Variants in NF1 observed in about 807,000 individuals in gnomAD.
NF1 encodes neurofibromin.
NF1 carries 122 observed loss-of-function variants against 325.7 expected under a neutral mutation model. The observed-to-expected ratio is 0.37, with a 90% CI of 0.32 to 0.44. The LOEUF (loss-of-function observed/expected upper bound fraction) is 0.44, where lower values mean the gene tolerates loss of function less well. Among genes scored for constraint, NF1 ranks in the 20% least tolerant of loss-of-function variants. The pLI is 1.00. For missense variants in NF1, 2,140 were observed against 3,415.4 expected (o/e 0.63, Z 9.31); for synonymous variants, 1,091 against 1,186.0 (o/e 0.92, Z 1.65).
At chr17:31,238,920 C>T (rs925982239) in intron 29 of NF1, among the ~76,000 whole-genome samples, 5 of 152,122 alleles carry the variant, frequency 3.3e-5, no homozygotes, top group Non-Finnish European at 5.9e-5. Flanking sequence ...ACAGTTACAG[C>T]GAACATTAAA....
intron 1 of NF1, among the ~76,000 whole-genome samples, chr17:31,127,608 T>A (rs545927740): frequency 2.2e-3 from 326 of 150,928 alleles, no homozygotes; most frequent in Admixed American, 4.7e-3. Context: ...TTTTTTTTTT[T>A]ATTTAAAGAA....
chr17:31,249,415 T>TA (rs1443533512), intron 30 of NF1, among the ~76,000 whole-genome samples: 6 of 152,214 alleles, frequency 3.9e-5, no homozygotes, highest in Non-Finnish European at 5.9e-5. Flanking sequence ...ATGAACATAT[T>TA]ATGGATTTTT....
chr17:31,166,922 TTTC>T (rs1357519784), intron 4 of NF1, among the ~76,000 whole-genome samples: 1 of 152,160 alleles, frequency 6.6e-6, no homozygotes, highest in African/African-American at 2.4e-5. Flanking sequence ...GGTTTTCAGT[TTTC>T]TTCTTCTTTT....
chr17:31,370,743 A>G (rs1289601506), intron 57 of NF1, among the ~76,000 whole-genome samples: 2 of 152,208 alleles, frequency 1.3e-5, no homozygotes, highest in African/African-American at 4.8e-5. Flanking sequence ...AAGACACACA[A>G]GAACGAGCCC....
At chr17:31,243,279 A>C (rs992304750) in intron 29 of NF1, among the ~76,000 whole-genome samples, 1 of 150,790 alleles carries the variant, frequency 6.6e-6, no homozygotes, top group Non-Finnish European at 1.5e-5. Context: ...CTGGGAGTGC[A>C]CTGGGTCTTG....
At chr17:31,295,070 G>C (rs774466732) in intron 36 of NF1, 36 of 1,614,026 alleles carry the variant, frequency 2.2e-5, no homozygotes, top group Non-Finnish European at 3.0e-5. Context: ...TACTTTCCAA[G>C]CATTTGCCAC....
chr17:31,340,280 G>T, intron 46 of NF1: 1 of 566,562 alleles, frequency 1.8e-6, no homozygotes, highest in Non-Finnish European at 3.1e-6. Context: ...TCAAAGAACA[G>T]GGAGAAGTCA....
rs1245703067 is a variant in NF1 at position 31,327,824 on chromosome 17, C to G, written c.5594C>G (p.Ser1865Cys). ...LNIALLNLGS[S>C]DPSLRSAAYN... ...ATCGCATTACTTAATTTAGGCAGTT[C>G]TGACCCGAGTTTACGGTAGGTTTTT... The change falls in exon 38 of 58, where the codon TCT becomes TGT. Residue 1865 changes from serine (S) to cysteine (C), a missense_variant. Ser to Cys is a moderately radical substitution (Grantham distance 112). Around this residue, in one of 10 missense-constraint regions of NF1, gnomAD observed 180 missense variants for 435.1 expected, o/e 0.41. Coordinates refer to ENST00000358273, the MANE Select transcript of NF1 (RefSeq NM_001042492.3). The G allele has an allele frequency of 6.2e-7, 1 of 1,613,966 alleles. No individual in the cohort carries two copies. The highest frequency in any genetic ancestry group is 8.5e-7 in the Non-Finnish European group (1 of 1,180,020).
chr17:31,229,667 G>A (rs760186868), intron 21 of NF1, 168 bp from the exon 22 acceptor site: 22 of 976,072 alleles, frequency 2.3e-5, no homozygotes, highest in Middle Eastern at 3.2e-4. Flanking sequence ...AAGGGTATAC[G>A]TGCCCTGTGT....
intron 38 of NF1, 78 bp from the exon 39 acceptor site, chr17:31,330,218 A>G: frequency 8.6e-7 from 1 of 1,168,052 alleles, no homozygotes; most frequent in Non-Finnish European, 1.3e-6. Context: ...CAGAATCACA[A>G]ATTGTATGTT....
chr17:31,236,748 G>T (rs541707364), intron 29 of NF1, among the ~76,000 whole-genome samples: 101 of 152,056 alleles, frequency 6.6e-4, no homozygotes, highest in African/African-American at 2.3e-3. Context: ...ACCATGCCCA[G>T]CCCAGAGTGC....
In NF1 at chr17:31,304,615, G is replaced by T. The variant is rs762579703; in HGVS notation, c.4836-21205G>T. The T allele has an allele frequency of 1.5e-5, 24 of 1,614,050 alleles. No individual in the cohort carries two copies. Among genetic ancestry groups the T allele is most frequent in the African/African-American group, 2.7e-5 (2 of 74,922 alleles). On this transcript the variant is annotated intron_variant, in intron 36 of 57. Coordinates refer to ENST00000358273, the MANE Select transcript of NF1 (RefSeq NM_001042492.3). ...TGGAGGCAGATCTGCATCATCTGAA[G>T]AAGAAACAGCAGTTCCAACTGTTGA...
At chr17:31,167,319 G>C (rs1185721410) in intron 4 of NF1, among the ~76,000 whole-genome samples, 1 of 152,192 alleles carries the variant, frequency 6.6e-6, no homozygotes, top group Non-Finnish European at 1.5e-5. Flanking sequence ...CCTGATGATA[G>C]GAAGAGAGTT....
chr17:31,294,065 C>T (rs1283240144), intron 36 of NF1, among the ~76,000 whole-genome samples: 2 of 152,134 alleles, frequency 1.3e-5, no homozygotes, highest in Non-Finnish European at 2.9e-5. Context: ...TCCTCACTTC[C>T]TCAGTACTGC....
intron 1 of NF1, among the ~76,000 whole-genome samples, chr17:31,125,036 A>G (rs959067649): frequency 6.6e-6 from 1 of 151,654 alleles, no homozygotes; most frequent in African/African-American, 2.4e-5. Flanking sequence ...AACATTCCCA[A>G]TGCTGTGGAA....
In NF1 at chr17:31,340,496, C is replaced by T. The variant is rs760085677; in HGVS notation, c.6922-9C>T. 1.2e-6 allele frequency: 2 copies of T among 1,614,180 alleles called. No homozygotes were observed. The highest frequency in any genetic ancestry group is 8.5e-7 in the Non-Finnish European group (1 of 1,180,010). On this transcript the variant is annotated splice_polypyrimidine_tract_variant and intron_variant, in intron 46 of 57. Coordinates refer to ENST00000358273, the MANE Select transcript of NF1 (RefSeq NM_001042492.3). ...ATCTTACTAGCCTCAAACATATCTTCTTTGCCAGGACTCGCCTCTGCACAA... is the reference window on the plus strand; with the variant it reads ...ATCTTACTAGCCTCAAACATATCTTTTTTGCCAGGACTCGCCTCTGCACAA...
chr17:31,175,190 C>G (rs931960696), intron 5 of NF1, among the ~76,000 whole-genome samples: 1 of 145,762 alleles, frequency 6.9e-6, no homozygotes, highest in African/African-American at 2.5e-5. Context: ...AGGTTTGATA[C>G]AGCTTATATG....
At chr17:31,242,056 A>G (rs2067305071) in intron 29 of NF1, among the ~76,000 whole-genome samples, 1 of 151,156 alleles carries the variant, frequency 6.6e-6, no homozygotes, top group African/African-American at 2.4e-5. Context: ...GAAATATGTC[A>G]TGCCACTCTC....
At position 31,357,255 on chromosome 17, in the gene NF1, TTG is replaced by T. The variant is rs1491006440; in HGVS notation, c.7870-13_7870-12del. The T allele has an allele frequency of 5.6e-6, 9 of 1,612,282 alleles. No individual in the cohort carries two copies. Among genetic ancestry groups the T allele is most frequent in the Non-Finnish European group, 7.6e-6 (9 of 1,178,496 alleles). ...GTAAAAATGTTGTGTGTTTACTTTT[TTG>T]CATCTTGGCAGGCTACACTGGTAAA... On this transcript the variant is annotated splice_polypyrimidine_tract_variant and intron_variant, in intron 53 of 57. Transcript: ENST00000358273.
Sources: gnomAD v4.1 joint callset for allele counts (sites outside exome capture counted in the v4.1 genomes callset) on GRCh38, gnomAD v4.1.1 for gene constraint, gnomAD v4.1.1 regional missense constraint, MANE v1.5 for transcripts, NCBI Gene and HGNC (gene_info 2026-07-23, HGNC 2026-07-21) for gene names.